Variants in SIPA1L1 observed in about 807,000 individuals in gnomAD.
SIPA1L1 encodes signal induced proliferation associated 1 like 1.
A neutral mutation model predicts 162.7 loss-of-function variants in SIPA1L1; 26 were observed. The observed-to-expected ratio is 0.16, with a 90% confidence interval of 0.12 to 0.22. The LOEUF (loss-of-function observed/expected upper bound fraction) is 0.22. SIPA1L1 is among the 10% of genes least tolerant of loss of function. The probability of loss-of-function intolerance (pLI) is 1.00; values close to 1 mark genes in which losing one functional copy is unlikely to be tolerated. For missense variants in SIPA1L1, 1,874 were observed against 2,241.0 expected, an observed-to-expected ratio of 0.84 and a Z score of 3.31; for synonymous variants, 829 against 837.4, an observed-to-expected ratio of 0.99 and a Z score of 0.17.
intron 5 of SIPA1L1, among the ~76,000 whole-genome samples, chr14:71,605,817 T>C (rs924569037): frequency 6.6e-6 from 1 of 152,176 alleles, no homozygotes; most frequent in African/African-American, 2.4e-5. Context: ...CCAGCACTTG[T>C]GCCAGCAGGT....
chr14:71,698,959 T>C (rs1345525468), intron 13 of SIPA1L1, 22 bp from the exon 14 acceptor site: 1 of 1,614,096 alleles, frequency 6.2e-7, no homozygotes. Flanking sequence ...GTTGACTTCA[T>C]GTTTTTGTAT....
intron 4 of SIPA1L1, among the ~76,000 whole-genome samples, chr14:71,530,060 T>G (rs1456034808): frequency 2.0e-5 from 3 of 152,184 alleles, no homozygotes; most frequent in African/African-American, 7.2e-5. Context: ...CGTCCAAGCA[T>G]TTGAGCCAAT....
At chr14:71,574,164 G>GTAGGC (rs909058785) in intron 4 of SIPA1L1, 38 of 184,368 alleles carry the variant, frequency 2.1e-4, no homozygotes, top group Admixed American at 7.6e-4. Context: ...ATAAGGTGGG[G>GTAGGC]TAGGGGTGGG....
intron 2 of SIPA1L1, among the ~76,000 whole-genome samples, chr14:71,476,753 C>T (rs1445053209): frequency 6.6e-6 from 1 of 151,832 alleles, no homozygotes; most frequent in Admixed American, 6.6e-5. Flanking sequence ...TCTCAGCACA[C>T]TGCAAGCTCT....
At chr14:71,425,013 A>G (rs1453388883) in intron 2 of SIPA1L1, among the ~76,000 whole-genome samples, 2 of 151,804 alleles carry the variant, frequency 1.3e-5, no homozygotes, top group African/African-American at 4.8e-5. Context: ...CTAGGAATCC[A>G]TTTTTTCTAG....
At chr14:71,478,036 A>G (rs1200178771) in intron 2 of SIPA1L1, among the ~76,000 whole-genome samples, 1 of 152,188 alleles carries the variant, frequency 6.6e-6, no homozygotes, top group African/African-American at 2.4e-5. Context: ...TCAAGGTATT[A>G]TCAGTATTTT....
intron 2 of SIPA1L1, among the ~76,000 whole-genome samples, chr14:71,384,826 C>G (rs182141266): frequency 2.6e-4 from 40 of 152,320 alleles, no homozygotes; most frequent in Middle Eastern, 3.4e-3. Context: ...ACCCGCGTTT[C>G]CTTTTGACTG....
At chr14:71,437,653 C>T (rs1023057756) in intron 2 of SIPA1L1, among the ~76,000 whole-genome samples, 3 of 152,158 alleles carry the variant, frequency 2.0e-5, no homozygotes, top group African/African-American at 4.8e-5. Flanking sequence ...TAAGACACCG[C>T]GCCTGGCTTA....
chr14:71,373,168 A>G (rs2039046725), intron 2 of SIPA1L1, among the ~76,000 whole-genome samples: 1 of 151,882 alleles, frequency 6.6e-6, no homozygotes, highest in Non-Finnish European at 1.5e-5. Flanking sequence ...AAAATTAGCC[A>G]GGCATGGTGG....
At chr14:71,331,013 C>G (rs919203781) in intron 2 of SIPA1L1, among the ~76,000 whole-genome samples, 2 of 152,162 alleles carry the variant, frequency 1.3e-5, no homozygotes, top group African/African-American at 2.4e-5. Context: ...TTTATATTTT[C>G]TTCTGGAAGT....
intron 2 of SIPA1L1, among the ~76,000 whole-genome samples, chr14:71,478,411 TG>T (rs1478454794): frequency 6.6e-6 from 1 of 152,076 alleles, no homozygotes; most frequent in Non-Finnish European, 1.5e-5. Flanking sequence ...TAAAGTACAG[TG>T]GGGGTGATTT....
intron 12 of SIPA1L1, among the ~76,000 whole-genome samples, chr14:71,678,055 T>C (rs1596885891): frequency 6.6e-6 from 1 of 151,920 alleles, no homozygotes. Flanking sequence ...GACGATGGGG[T>C]TTTCTAAATA....
chr14:71,722,980 C>CCAGCCT (rs1281936588), intron 17 of SIPA1L1, among the ~76,000 whole-genome samples: 1 of 152,250 alleles, frequency 6.6e-6, no homozygotes, highest in Non-Finnish European at 1.5e-5. Flanking sequence ...AGATGATCCA[C>CCAGCCT]CAGCCTCAGC....
At chr14:71,330,655 T>G in intron 2 of SIPA1L1, 2 of 884,970 alleles carry the variant, frequency 2.3e-6, no homozygotes, top group Non-Finnish European at 3.9e-6. Flanking sequence ...ATTGTTGTAG[T>G]CTGGGTGGGG....
chr14:71,580,759 G>T (rs2033813699), intron 4 of SIPA1L1, among the ~76,000 whole-genome samples: 1 of 152,116 alleles, frequency 6.6e-6, no homozygotes, highest in Admixed American at 6.5e-5. Flanking sequence ...ATTTAAACGT[G>T]TGGTCATCAT....
intron 13 of SIPA1L1, among the ~76,000 whole-genome samples, chr14:71,692,662 A>G (rs1307470932): frequency 6.6e-6 from 1 of 152,224 alleles, no homozygotes; most frequent in Non-Finnish European, 1.5e-5. Flanking sequence ...CCAGTTCCCC[A>G]TCGTTTACAA....
intron 2 of SIPA1L1, among the ~76,000 whole-genome samples, chr14:71,361,924 G>T (rs900006292): frequency 1.3e-5 from 2 of 152,192 alleles, no homozygotes; most frequent in African/African-American, 4.8e-5. Flanking sequence ...ATACTGTTGC[G>T]TGTGATATTT....
intron 2 of SIPA1L1, among the ~76,000 whole-genome samples, chr14:71,482,491 C>G (rs1439547302): frequency 2.0e-5 from 3 of 151,118 alleles, no homozygotes; most frequent in African/African-American, 7.3e-5. Context: ...CAATTTTTCC[C>G]AAGTCAGTGT....
chr14:71,360,108 A>G (rs1051099621), intron 2 of SIPA1L1, among the ~76,000 whole-genome samples: 17 of 152,206 alleles, frequency 1.1e-4, no homozygotes, highest in African/African-American at 3.9e-4. Context: ...GTACATTTCT[A>G]CTAATCTAAA....
Sources: gnomAD v4.1 joint callset for allele counts (sites outside exome capture counted in the v4.1 genomes callset) on GRCh38, gnomAD v4.1.1 for gene constraint, MANE v1.5 for transcripts, NCBI Gene and HGNC (gene_info 2026-07-23, HGNC 2026-07-21) for gene names.